The following ATP2C1 variants were observed in gnomAD, a reference collection of about 807,000 sequenced individuals.
ATP2C1 encodes the protein ATPase secretory pathway Ca2+ transporting 1, also known as calcium-transporting ATPase type 2C member 1.
A neutral mutation model predicts 120.5 loss-of-function variants in ATP2C1; 31 were observed. That is an observed-to-expected ratio of 0.26 (90% CI 0.19 to 0.35). The LOEUF (loss-of-function observed/expected upper bound fraction) is 0.35. ATP2C1 is among the 10% of genes least tolerant of loss of function. The probability of loss-of-function intolerance (pLI) is 1.00; values close to 1 mark genes in which losing one functional copy is unlikely to be tolerated. For synonymous variants in ATP2C1, 351 were observed against 358.7 expected, an observed-to-expected ratio of 0.98 and a Z score of 0.24; for missense variants, 731 against 1,107.5, an observed-to-expected ratio of 0.66 and a Z score of 4.83.
chr3:130,882,614 A>G (rs909968892), intron 1 of ATP2C1, among the ~76,000 whole-genome samples: 1 of 152,190 alleles, frequency 6.6e-6, no homozygotes, highest in Non-Finnish European at 1.5e-5. Flanking sequence ...TGAAGTGATC[A>G]TATGGTTTTT....
intron 22 of ATP2C1, 84 bp from the exon 23 acceptor site, chr3:130,995,959 A>G: frequency 1.0e-6 from 1 of 970,854 alleles, no homozygotes; most frequent in East Asian, 2.4e-5. Context: ...ATTTATTTTC[A>G]AAATTAGCTC....
At chr3:130,952,462 A>C (rs1166161340) in intron 8 of ATP2C1, among the ~76,000 whole-genome samples, 1 of 152,154 alleles carries the variant, frequency 6.6e-6, no homozygotes, top group African/African-American at 2.4e-5. Context: ...GAACCATTTG[A>C]AAAGATGTAA....
intron 20 of ATP2C1, among the ~76,000 whole-genome samples, chr3:130,983,213 T>C (rs1207826783): frequency 3.9e-5 from 6 of 152,198 alleles, no homozygotes; most frequent in Non-Finnish European, 7.4e-5. Flanking sequence ...AACCATTTAT[T>C]ATCTGCCAAT....
Position 130,953,979 on chromosome 3 carries a change from A to G in ATP2C1, c.687+3A>G, listed in dbSNP as rs2060476455. The G allele has an allele frequency of 6.2e-7, 1 of 1,613,838 alleles. No homozygotes were observed. The highest frequency in any genetic ancestry group is 1.3e-5 in the African/African-American group (1 of 74,906). Reference sequence around the variant, plus strand: ...TGGTCAGATGTGGCAAAGCAAAGGTAAATTTTTTTCCTGATTTGAAAAAAG... The same window carrying G: ...TGGTCAGATGTGGCAAAGCAAAGGTGAATTTTTTTCCTGATTTGAAAAAAG... On this transcript the variant is annotated splice_donor_region_variant and intron_variant, in intron 9 of 27. Transcript: ENST00000510168.
chr3:130,913,458 T>A (rs2058538932), intron 2 of ATP2C1, among the ~76,000 whole-genome samples: 1 of 152,148 alleles, frequency 6.6e-6, no homozygotes, highest in Admixed American at 6.6e-5. Flanking sequence ...TGTCAGAAAT[T>A]ATGCAGTTTA....
chr3:130,957,309 A>T (rs2060623974), intron 11 of ATP2C1, among the ~76,000 whole-genome samples: 1 of 152,034 alleles, frequency 6.6e-6, no homozygotes, highest in African/African-American at 2.4e-5. Flanking sequence ...ATAGTTTTTT[A>T]TTTTTGACAT....
In ATP2C1 at chr3:130,940,674, G is replaced by A. The variant is rs757073707; in HGVS notation, c.405G>A (p.Val135=). 4 of 1,612,388 alleles carry A rather than the reference G, an allele frequency of 2.5e-6. No homozygotes were observed. Among genetic ancestry groups the A allele is most frequent in the Non-Finnish European group, 3.4e-6 (4 of 1,178,930 alleles). The part of the protein sequence containing the change: ...EKSLEELSKL[V]PPECHCVREG... ...CTCTTGAAGAATTGAGTAAACTTGTGCCACCAGAATGCCATTGGTATGATC... is the reference window on the plus strand; with the variant it reads ...CTCTTGAAGAATTGAGTAAACTTGTACCACCAGAATGCCATTGGTATGATC... Residue 135 remains valine, a synonymous_variant, in exon 7 of 28, where the codon GTG becomes GTA. Coordinates refer to ENST00000510168, the MANE Select transcript of ATP2C1 (RefSeq NM_001378687.1).
chr3:130,902,284 GTTTTTTTTTTTTGTTTTTT>G (rs1175426275), intron 2 of ATP2C1, among the ~76,000 whole-genome samples: 2,025 of 65,560 alleles, frequency 0.031, 127 homozygotes, highest in East Asian at 0.28. Flanking sequence ...AAGGCTTCAC[GTTTTTTTTTTTTGTTTTTT>G]TTTTTTTTTT....
At chr3:130,968,714 A>G (rs2061160162) in intron 16 of ATP2C1, among the ~76,000 whole-genome samples, 1 of 152,188 alleles carries the variant, frequency 6.6e-6, no homozygotes, top group South Asian at 2.1e-4. Context: ...AAAGCAATAC[A>G]TGGTAGAATT....
At chr3:130,860,026 T>A (rs1034679950) in intron 1 of ATP2C1, among the ~76,000 whole-genome samples, 3 of 152,240 alleles carry the variant, frequency 2.0e-5, no homozygotes, top group African/African-American at 2.4e-5. Flanking sequence ...AATCACCTCC[T>A]CATAAAGTGA....
intron 1 of ATP2C1, among the ~76,000 whole-genome samples, chr3:130,861,382 A>G (rs647895): frequency 0.91 from 137,813 of 152,192 alleles, 62,614 homozygotes; most frequent in Non-Finnish European, 0.95. Flanking sequence ...TTGAGAACCC[A>G]GAAAGACAGC....
Position 131,002,049 on chromosome 3 carries a change from C to T in ATP2C1, c.*699C>T. On this transcript the variant is annotated 3_prime_UTR_variant, in exon 28 of 28. Coordinates refer to ENST00000510168, the MANE Select transcript of ATP2C1 (RefSeq NM_001378687.1). ...TTAAAAAGGTATGTCTTTGGTTTGG[C>T]AGAATTCATGCAGGGCTATCAAGTG... 1.0e-6 allele frequency: 1 copy of T among 985,542 alleles called. No homozygotes were observed. Among genetic ancestry groups the T allele is most frequent in the Non-Finnish European group, 1.2e-6 (1 of 829,804 alleles). The allele number at this position is 985,542 out of a possible 1,614,324, so 61.0% of individuals were successfully genotyped here.
chr3:130,930,905 C>T (rs556525086), intron 3 of ATP2C1, among the ~76,000 whole-genome samples: 3 of 152,124 alleles, frequency 2.0e-5, no homozygotes, highest in Non-Finnish European at 2.9e-5. Context: ...AAATAATTAA[C>T]GTAAGTAGTG....
At chr3:131,010,244 G>A (rs1471365748) in intron 26 of ATP2C1, among the ~76,000 whole-genome samples, 1 of 143,788 alleles carries the variant, frequency 7.0e-6, no homozygotes, top group African/African-American at 2.6e-5. Flanking sequence ...AGGCTGGAGT[G>A]CAGTGGAACG....
intron 2 of ATP2C1, among the ~76,000 whole-genome samples, chr3:130,906,346 G>T (rs967051039): frequency 2.6e-5 from 4 of 151,962 alleles, no homozygotes; most frequent in Admixed American, 1.3e-4. Context: ...GACCTTTTAT[G>T]TCTGGCTTCT....
At chr3:130,917,951 ATGT>A (rs760609603) in intron 2 of ATP2C1, among the ~76,000 whole-genome samples, 1 of 149,378 alleles carries the variant, frequency 6.7e-6, no homozygotes, top group Non-Finnish European at 1.5e-5. Flanking sequence ...AGATTCACCC[ATGT>A]TGTGCCATTT....
chr3:130,886,958 G>A (rs1214043938), intron 1 of ATP2C1, among the ~76,000 whole-genome samples: 1 of 152,158 alleles, frequency 6.6e-6, no homozygotes, highest in Non-Finnish European at 1.5e-5. Context: ...GTCTGGACTT[G>A]TTTGTGCCCA....
In ATP2C1 at chr3:130,923,833, C is replaced by T. The variant is rs189416076; in HGVS notation, c.7-6583C>T. ...GGGAGTCTAGATTGCATACTGCTCT[C>T]TAACCTGGGTGATGAAGTGAGACTC... On this transcript the variant is annotated intron_variant, in intron 2 of 27. Coordinates refer to ENST00000510168, the MANE Select transcript of ATP2C1 (RefSeq NM_001378687.1). 4.8e-5 allele frequency among the ~76,000 whole-genome samples: 7 copies of T among 144,788 alleles called. No individual in the cohort carries two copies. In the East Asian group the frequency reaches 1.4e-3, roughly 30 times the overall value. The allele number at this position is 144,788 out of a possible 152,430, so 95.0% of individuals were successfully genotyped here. A position where few individuals can be genotyped will look rare whatever the true frequency, so the allele number is the denominator to read the frequency against.
At chr3:130,873,836 G>GA (rs1208525649) in intron 1 of ATP2C1, among the ~76,000 whole-genome samples, 7 of 152,244 alleles carry the variant, frequency 4.6e-5, no homozygotes, top group African/African-American at 1.2e-4. Flanking sequence ...ATCTAGCCAG[G>GA]CACCGTGGCT....
Sources: gnomAD v4.1 joint callset for allele counts (sites outside exome capture counted in the v4.1 genomes callset) on GRCh38, gnomAD v4.1.1 for gene constraint, MANE v1.5 for transcripts, NCBI Gene and HGNC (gene_info 2026-07-23, HGNC 2026-07-21) for gene names.